The following GADL1 variants were observed in gnomAD, a reference collection of about 807,000 sequenced individuals.
GADL1 encodes GAD like acidic amino acid decarboxylase 1, also known as acidic amino acid decarboxylase GADL1.
GADL1 carries 71 observed loss-of-function variants against 69.5 expected under a neutral mutation model. The observed-to-expected ratio is 1.02, with a 90% CI of 0.84 to 1.25. The LOEUF is 1.25. Among genes scored for constraint, GADL1 ranks in the 50% most tolerant of loss-of-function variants. The pLI, the probability that GADL1 is intolerant of heterozygous loss-of-function variation, is 0.00. For missense variants in GADL1, 737 were observed against 631.8 expected (o/e 1.17, Z -1.79); for synonymous variants, 254 against 214.4 (o/e 1.18, Z -1.62).
intron 1 of GADL1, 59 bp downstream of exon 1, chr3:30,894,519 G>GA: frequency 7.0e-7 from 1 of 1,420,416 alleles, no homozygotes; most frequent in East Asian, 2.5e-5. Flanking sequence ...AAAATAAGGA[G>GA]ATTAAAACCC....
chr3:30,763,510 G>T (rs1249177398), intron 14 of GADL1, among the ~76,000 whole-genome samples: 1 of 130,958 alleles, frequency 7.6e-6, no homozygotes, highest in Non-Finnish European at 1.6e-5. Context: ...TCGGCGGCGG[G>T]GGGTGGGGGT....
At chr3:30,852,306 G>T (rs1338416726) in intron 4 of GADL1, among the ~76,000 whole-genome samples, 1 of 152,108 alleles carries the variant, frequency 6.6e-6, no homozygotes, top group East Asian at 1.9e-4. Context: ...TAGGTCAGGA[G>T]TTCAAGACCA....
At chr3:30,873,990 G>T (rs748048556) in intron 1 of GADL1, among the ~76,000 whole-genome samples, 4 of 151,934 alleles carry the variant, frequency 2.6e-5, no homozygotes, top group Non-Finnish European at 4.4e-5. Flanking sequence ...TGGAATGGCA[G>T]TAAAACCTTT....
intron 11 of GADL1, among the ~76,000 whole-genome samples, chr3:30,803,492 T>C (rs1030129916): frequency 4.6e-5 from 7 of 152,202 alleles, no homozygotes; most frequent in Admixed American, 3.3e-4. Context: ...GGACATTTCT[T>C]GAGCAAGTTT....
chr3:30,729,617 A>G (rs1454368016), intron 14 of GADL1, among the ~76,000 whole-genome samples: 2 of 152,146 alleles, frequency 1.3e-5, no homozygotes, highest in Non-Finnish European at 2.9e-5. Flanking sequence ...TTTTGAACAT[A>G]CCCACATTTT....
chr3:30,814,982 AT>A (rs71744579), intron 11 of GADL1, among the ~76,000 whole-genome samples: 14,604 of 141,568 alleles, frequency 0.1, 798 homozygotes, highest in Admixed American at 0.16. Context: ...AAAAAAAAAA[AT>A]TTTTTTCATT....
At chr3:30,859,570 T>C (rs562905686) in intron 2 of GADL1, among the ~76,000 whole-genome samples, 96 of 152,046 alleles carry the variant, frequency 6.3e-4, no homozygotes, top group African/African-American at 2.0e-3. Flanking sequence ...AATGAAGATA[T>C]AGAACAGTTC....
intron 13 of GADL1, chr3:30,778,983 G>T (rs566279310): frequency 6.6e-6 from 1 of 152,100 alleles, no homozygotes; most frequent in Admixed American, 6.6e-5. Flanking sequence ...ATTCTGAAGC[G>T]GGCAGTTTAT....
chr3:30,886,906 T>C (rs1698718326), intron 1 of GADL1, among the ~76,000 whole-genome samples: 1 of 139,358 alleles, frequency 7.2e-6, no homozygotes, highest in South Asian at 2.1e-4. Context: ...TTCTACTTAA[T>C]AATGATAATC....
chr3:30,816,705 C>G (rs1697480534), intron 11 of GADL1, among the ~76,000 whole-genome samples: 1 of 151,804 alleles, frequency 6.6e-6, no homozygotes, highest in Admixed American at 6.6e-5. Context: ...GCCACCATCC[C>G]TGGCTACTTT....
At chr3:30,778,090 T>A in intron 14 of GADL1, 89 bp downstream of exon 14, 1 of 763,358 alleles carries the variant, frequency 1.3e-6, no homozygotes. Flanking sequence ...ATTCTGTGCT[T>A]GCTAGGCCCT....
At chr3:30,858,013 C>T (rs1361931265) in intron 2 of GADL1, among the ~76,000 whole-genome samples, 2 of 151,974 alleles carry the variant, frequency 1.3e-5, no homozygotes, top group Non-Finnish European at 2.9e-5. Flanking sequence ...ACTCCCTTAC[C>T]TAAAATTAAA....
chr3:30,738,264 A>G (rs1200722445), intron 14 of GADL1, among the ~76,000 whole-genome samples: 1 of 152,130 alleles, frequency 6.6e-6, no homozygotes, highest in African/African-American at 2.4e-5. Flanking sequence ...GGGCATTTGG[A>G]ATCATGGCAA....
chr3:30,755,776 G>T (rs578126903), intron 14 of GADL1, among the ~76,000 whole-genome samples: 1 of 152,086 alleles, frequency 6.6e-6, no homozygotes, highest in Admixed American at 6.5e-5. Context: ...CAAATGTCTA[G>T]ATACCTATGT....
chr3:30,867,421 T>G (rs750395130), intron 1 of GADL1, among the ~76,000 whole-genome samples: 42 of 144,260 alleles, frequency 2.9e-4, no homozygotes, highest in African/African-American at 7.2e-4. Flanking sequence ...ATTACAATAC[T>G]ACATATATAT....
chr3:30,790,413 T>C (rs1443721926), intron 12 of GADL1, among the ~76,000 whole-genome samples: 1 of 152,176 alleles, frequency 6.6e-6, no homozygotes, highest in Non-Finnish European at 1.5e-5. Context: ...AGTGAGCACA[T>C]GCTGTTGGGA....
At chr3:30,843,005 T>A (rs1697993560) in intron 8 of GADL1, among the ~76,000 whole-genome samples, 1 of 151,998 alleles carries the variant, frequency 6.6e-6, no homozygotes, top group African/African-American at 2.4e-5. Context: ...TATTCAAACT[T>A]AAAAACATTA....
intron 14 of GADL1, among the ~76,000 whole-genome samples, chr3:30,771,136 T>G (rs1696411196): frequency 6.6e-6 from 1 of 152,168 alleles, no homozygotes; most frequent in African/African-American, 2.4e-5. Flanking sequence ...AGACAATAAT[T>G]AACTAGAAAA....
intron 11 of GADL1, among the ~76,000 whole-genome samples, chr3:30,823,645 A>T (rs915251757): frequency 2.6e-5 from 4 of 152,032 alleles, no homozygotes; most frequent in African/African-American, 9.7e-5. Context: ...CTCTCTAGAC[A>T]ATAGGAGAGC....
Sources: gnomAD v4.1 joint callset for allele counts (sites outside exome capture counted in the v4.1 genomes callset) on GRCh38, gnomAD v4.1.1 for gene constraint, MANE v1.5 for transcripts, NCBI Gene and HGNC (gene_info 2026-07-23, HGNC 2026-07-21) for gene names.